Variants in MALRD1 observed in about 807,000 individuals in gnomAD.
MALRD1 encodes MAM and LDL receptor class A domain containing 1.
MALRD1 carries 247 observed loss-of-function variants against 242.1 expected under a neutral mutation model. The ratio of observed to expected loss-of-function variants is 1.02; its 90% CI spans 0.92 to 1.13. The LOEUF is 1.13. MALRD1 is among the 50% of genes most tolerant of loss of function. MALRD1 has a pLI of 0.00. For missense variants in MALRD1, 2,989 were observed against 2,533.1 expected (o/e 1.18, Z -3.86); for synonymous variants, 995 against 866.6 (o/e 1.15, Z -2.60).
At chr10:19,218,011 C>T (rs1837397270) in intron 18 of MALRD1, among the ~76,000 whole-genome samples, 1 of 151,914 alleles carries the variant, frequency 6.6e-6, no homozygotes, top group Admixed American at 6.6e-5. Flanking sequence ...CCATGAACTT[C>T]CCAGTTCATC....
At chr10:19,243,063 C>T (rs1169329936) in intron 18 of MALRD1, among the ~76,000 whole-genome samples, 5 of 135,998 alleles carry the variant, frequency 3.7e-5, no homozygotes, top group African/African-American at 1.4e-4. Flanking sequence ...TTTCTTTTCC[C>T]TTTTTTTTTT....
At chr10:19,135,432 G>T (rs189890670) in intron 9 of MALRD1, among the ~76,000 whole-genome samples, 4 of 152,280 alleles carry the variant, frequency 2.6e-5, no homozygotes, top group African/African-American at 9.6e-5. Context: ...GGGATTACAG[G>T]TGTGGGTCAC....
chr10:19,167,505 G>A (rs1288294159), intron 13 of MALRD1, among the ~76,000 whole-genome samples: 1 of 152,128 alleles, frequency 6.6e-6, no homozygotes, highest in African/African-American at 2.4e-5. Context: ...AAATATAGAG[G>A]TTAAACAGGT....
At chr10:19,262,024 G>A (rs1406633086) in intron 19 of MALRD1, among the ~76,000 whole-genome samples, 1 of 151,958 alleles carries the variant, frequency 6.6e-6, no homozygotes, top group Non-Finnish European at 1.5e-5. Flanking sequence ...TAGTTTTTAT[G>A]CCCTTAAATT....
intron 24 of MALRD1, among the ~76,000 whole-genome samples, chr10:19,333,429 A>G (rs1843473936): frequency 6.6e-6 from 1 of 152,196 alleles, no homozygotes; most frequent in Non-Finnish European, 1.5e-5. Flanking sequence ...TAATTCACTT[A>G]GAATTATGGC....
At chr10:19,486,845 T>G (rs934033855) in intron 29 of MALRD1, among the ~76,000 whole-genome samples, 1 of 152,180 alleles carries the variant, frequency 6.6e-6, no homozygotes, top group Non-Finnish European at 1.5e-5. Flanking sequence ...AAGCTCTGTT[T>G]CAAAGTAAAA....
At chr10:19,081,119 A>G (rs770879077) in intron 2 of MALRD1, among the ~76,000 whole-genome samples, 1 of 152,076 alleles carries the variant, frequency 6.6e-6, no homozygotes, top group South Asian at 2.1e-4. Context: ...GAAACAACAG[A>G]TGCTAGCCAG....
chr10:19,718,107 GGAAGAAGAAGAA>G (rs34633700), intron 38 of MALRD1, among the ~76,000 whole-genome samples: 3 of 142,482 alleles, frequency 2.1e-5, no homozygotes, highest in South Asian at 2.2e-4. Context: ...AAGAGGAAGA[GGAAGAAGAAGAA>G]GAAGAAGAGG....
chr10:19,573,574 C>T (rs978029087), intron 33 of MALRD1, among the ~76,000 whole-genome samples: 3 of 151,810 alleles, frequency 2.0e-5, no homozygotes, highest in Admixed American at 1.3e-4. Flanking sequence ...CCATGCTCAG[C>T]CACCCCTTTC....
chr10:19,607,567 A>T (rs553354471), intron 34 of MALRD1, among the ~76,000 whole-genome samples: 1 of 152,044 alleles, frequency 6.6e-6, no homozygotes, highest in Non-Finnish European at 1.5e-5. Flanking sequence ...CTGCGAAGTG[A>T]TTTTTCAGGC....
At chr10:19,363,790 C>T (rs2130715725) in intron 26 of MALRD1, among the ~76,000 whole-genome samples, 1 of 152,214 alleles carries the variant, frequency 6.6e-6, no homozygotes, top group Non-Finnish European at 1.5e-5. Context: ...ATATAGTACC[C>T]TGGCTTCCAA....
intron 28 of MALRD1, among the ~76,000 whole-genome samples, chr10:19,400,335 T>A (rs770786654): frequency 3.3e-5 from 5 of 152,196 alleles, no homozygotes; most frequent in Non-Finnish European, 5.9e-5. Flanking sequence ...TCTCTGAGGT[T>A]CATGGAATGA....
At chr10:19,258,794 T>C (rs1229281064) in intron 19 of MALRD1, among the ~76,000 whole-genome samples, 1 of 152,094 alleles carries the variant, frequency 6.6e-6, no homozygotes, top group South Asian at 2.1e-4. Context: ...AGAGGCAGAA[T>C]TGAACAAATT....
In MALRD1 at chr10:19,124,581, C is replaced by T; in HGVS notation, c.854C>T (p.Ala285Val). The T allele has an allele frequency of 8.1e-7, 1 of 1,233,858 alleles. No individual in the cohort carries two copies. The allele number at this position is 1,233,858 out of a possible 1,614,324, so 76.4% of individuals were successfully genotyped here. ...TGTGAGTGGACGTCAGAAGCATCTG[C>T]TGGCCAAATTTCCTGGATGCGCACA... Reference protein sequence around the residue: ...DMCEWTSEASAGQISWMRTKA... With the variant: ...DMCEWTSEASVGQISWMRTKA... The change falls in exon 7 of 40, where the codon GCT (alanine) becomes GTT (valine). Residue 285 changes from alanine (A) to valine (V), a missense_variant. Physicochemically the swap from Ala to Val is moderately conservative, Grantham distance 64 (BLOSUM62 0). Coordinates refer to ENST00000454679, the MANE Select transcript of MALRD1 (RefSeq NM_001142308.3).
Position 19,371,684 on chromosome 10 carries a change from G to A in MALRD1, c.4442-15844G>A, listed in dbSNP as rs117009505. Among the ~76,000 whole-genome samples, 331 of 152,056 alleles carry A rather than the reference G, an allele frequency of 2.2e-3. 3 individuals are homozygous for A. Among genetic ancestry groups the A allele is most frequent in the East Asian group, 0.018 (91 of 5,176 alleles). On this transcript the variant is annotated intron_variant, in intron 26 of 39. Coordinates refer to ENST00000454679, the MANE Select transcript of MALRD1 (RefSeq NM_001142308.3). ...TTTTTGCAAATATTATTTCTGAAAGGCATTGTTCTATAATTGTCTTTTTAA... is the reference window on the plus strand; with the variant it reads ...TTTTTGCAAATATTATTTCTGAAAGACATTGTTCTATAATTGTCTTTTTAA...
intron 21 of MALRD1, among the ~76,000 whole-genome samples, chr10:19,296,169 A>G (rs1014251398): frequency 1.3e-5 from 2 of 152,252 alleles, no homozygotes; most frequent in African/African-American, 4.8e-5. Flanking sequence ...ACACAGTTCC[A>G]GGGAATATTT....
At chr10:19,249,921 T>C (rs1050696709) in intron 18 of MALRD1, among the ~76,000 whole-genome samples, 5 of 151,904 alleles carry the variant, frequency 3.3e-5, no homozygotes, top group African/African-American at 1.2e-4. Flanking sequence ...AGTTGCTACA[T>C]AGAAACATAA....
intron 29 of MALRD1, among the ~76,000 whole-genome samples, chr10:19,459,431 G>T (rs1202061941): frequency 6.6e-6 from 1 of 152,110 alleles, no homozygotes; most frequent in African/African-American, 2.4e-5. Flanking sequence ...ACAGGCTTCA[G>T]AAGAGAGACT....
intron 29 of MALRD1, among the ~76,000 whole-genome samples, chr10:19,456,188 C>T (rs1564358330): frequency 6.6e-6 from 1 of 152,092 alleles, no homozygotes; most frequent in African/African-American, 2.4e-5. Context: ...CATAGCAAAA[C>T]ACTCACACCC....
Sources: gnomAD v4.1 joint callset for allele counts (sites outside exome capture counted in the v4.1 genomes callset) on GRCh38, gnomAD v4.1.1 for gene constraint, MANE v1.5 for transcripts, NCBI Gene and HGNC (gene_info 2026-07-23, HGNC 2026-07-21) for gene names.